Variants in MAD1L1 observed in about 807,000 individuals in gnomAD.
MAD1L1 encodes mitotic spindle assembly checkpoint protein MAD1.
In MAD1L1, 95 loss-of-function variants were observed where a neutral mutation model predicts 96.9. That is an observed-to-expected ratio of 0.98 (90% CI 0.83 to 1.16). The LOEUF (loss-of-function observed/expected upper bound fraction) is 1.16, where lower values mean the gene tolerates loss of function less well. MAD1L1 is among the 50% of genes most tolerant of loss of function. The pLI is 0.00. For missense variants in MAD1L1, 1,007 were observed against 954.4 expected (o/e 1.06, Z -0.73); for synonymous variants, 473 against 396.6 (o/e 1.19, Z -2.29).
At chr7:2,165,375 C>G (rs1167685246) in intron 10 of MAD1L1, among the ~76,000 whole-genome samples, 1 of 152,174 alleles carries the variant, frequency 6.6e-6, no homozygotes, top group Non-Finnish European at 1.5e-5. Flanking sequence ...TTCCACTTGT[C>G]ATGACTCATC....
chr7:2,107,229 T>C (rs553213445), intron 11 of MAD1L1, among the ~76,000 whole-genome samples: 1 of 152,144 alleles, frequency 6.6e-6, no homozygotes, highest in South Asian at 2.1e-4. Flanking sequence ...ACAGTCAGAG[T>C]TGGTGAGGTC....
chr7:2,052,825 G>A (rs1784242131), intron 12 of MAD1L1, among the ~76,000 whole-genome samples: 1 of 152,146 alleles, frequency 6.6e-6, no homozygotes, highest in Non-Finnish European at 1.5e-5. Context: ...GGAACCGGGA[G>A]GGAGCTGGGG....
intron 11 of MAD1L1, among the ~76,000 whole-genome samples, chr7:2,123,676 G>C (rs1055221366): frequency 1.3e-5 from 2 of 152,210 alleles, no homozygotes; most frequent in African/African-American, 4.8e-5. Flanking sequence ...ACCAGGAAGC[G>C]AGTCGGAGGC....
intron 15 of MAD1L1, among the ~76,000 whole-genome samples, chr7:1,972,236 G>A (rs984357461): frequency 1.3e-5 from 2 of 152,144 alleles, no homozygotes; most frequent in East Asian, 1.9e-4. Context: ...ATGCACCCCC[G>A]TGCCTAAACC....
intron 18 of MAD1L1, among the ~76,000 whole-genome samples, chr7:1,857,570 C>T (rs960993947): frequency 3.3e-4 from 50 of 152,198 alleles, no homozygotes; most frequent in African/African-American, 1.2e-3. Flanking sequence ...CTGGGATGAA[C>T]GGGGCTCAGG....
At chr7:2,229,880 C>A in intron 3 of MAD1L1, 104 bp downstream of exon 3, 6 of 1,231,104 alleles carry the variant, frequency 4.9e-6, no homozygotes, top group Non-Finnish European at 6.8e-6. Flanking sequence ...TGTCTCTAGG[C>A]TCTGCTAATA....
intron 17 of MAD1L1, among the ~76,000 whole-genome samples, chr7:1,902,528 G>C (rs1177297749): frequency 1.3e-5 from 2 of 152,226 alleles, no homozygotes; most frequent in African/African-American, 4.8e-5. Context: ...ACACGCAGAT[G>C]AGAGCAAGCA....
rs148664367 is a variant in MAD1L1, at chr7:1,863,500, A to G, written c.1998+34700T>C. ...GGGAGGGTCTGGAACAAGCCCCCGC[A>G]CAGCACGGCCTGGCTGAAGGCCCGG... On this transcript the variant is annotated intron_variant, in intron 18 of 18. Transcript: ENST00000265854. Among the ~76,000 whole-genome samples the G allele has an allele frequency of 1.9e-3, 294 of 152,356 alleles. 1 individual carries two copies. The highest frequency in any genetic ancestry group is 6.6e-3 in the African/African-American group (273 of 41,584).
At chr7:1,871,273 GCTGAACCCATTGTAACACCTGCCACA>G (rs1562476558) in intron 18 of MAD1L1, among the ~76,000 whole-genome samples, 4 of 132,620 alleles carry the variant, frequency 3.0e-5, no homozygotes, top group African/African-American at 2.9e-5. Context: ...AGCCTGCCAC[GCTGAACCCATTGTAACACCTGCCACA>G]CTGAACCCAA....
chr7:2,047,104 G>C (rs1783959323), intron 12 of MAD1L1, among the ~76,000 whole-genome samples: 1 of 152,200 alleles, frequency 6.6e-6, no homozygotes, highest in African/African-American at 2.4e-5. Context: ...CTTCGGCTAA[G>C]GCCCTCCCTT....
At chr7:2,217,591 T>C (rs1190583032) in intron 7 of MAD1L1, among the ~76,000 whole-genome samples, 2 of 152,244 alleles carry the variant, frequency 1.3e-5, no homozygotes, top group Non-Finnish European at 2.9e-5. Flanking sequence ...TGGCACAGCC[T>C]GAGCTTGAGT....
intron 15 of MAD1L1, 150 bp downstream of exon 15, chr7:1,980,303 C>T (rs564073476): frequency 2.2e-5 from 14 of 645,362 alleles, no homozygotes; most frequent in African/African-American, 9.5e-5. Context: ...CCTCTTCCTC[C>T]GTGGGACACA....
chr7:1,828,456 A>G (rs7799807), intron 18 of MAD1L1, among the ~76,000 whole-genome samples: 94,551 of 151,844 alleles, frequency 0.62, 29,563 homozygotes, highest in Middle Eastern at 0.7. Context: ...AGAAAATGGC[A>G]CCCGAAGCTC....
intron 18 of MAD1L1, among the ~76,000 whole-genome samples, chr7:1,826,925 G>A (rs1451949500): frequency 1.3e-5 from 2 of 152,168 alleles, no homozygotes; most frequent in East Asian, 1.9e-4. Context: ...GCAAGGCCAG[G>A]CACCCCAGCA....
At chr7:2,075,671 C>G (rs1373794688) in intron 11 of MAD1L1, among the ~76,000 whole-genome samples, 1 of 152,206 alleles carries the variant, frequency 6.6e-6, no homozygotes, top group Non-Finnish European at 1.5e-5. Flanking sequence ...CTGTGACCAG[C>G]CACTGCCGGC....
intron 18 of MAD1L1, among the ~76,000 whole-genome samples, chr7:1,851,929 G>C (rs954036420): frequency 6.6e-6 from 1 of 152,208 alleles, no homozygotes; most frequent in East Asian, 1.9e-4. Context: ...CAATGGGTGG[G>C]ACCAATGGTG....
At chr7:2,068,973 T>G (rs146983118) in intron 12 of MAD1L1, among the ~76,000 whole-genome samples, 93 of 152,126 alleles carry the variant, frequency 6.1e-4, no homozygotes, top group Non-Finnish European at 1.2e-3. Flanking sequence ...CTGGAGGAAC[T>G]GAAAAGGGTG....
chr7:1,934,331 G>A (rs1335530717), intron 17 of MAD1L1, among the ~76,000 whole-genome samples: 4 of 152,218 alleles, frequency 2.6e-5, no homozygotes, highest in Non-Finnish European at 5.9e-5. Context: ...GACCACCCGC[G>A]TGCCTGAGAC....
chr7:2,003,036 A>AT (rs1781871859), intron 13 of MAD1L1, among the ~76,000 whole-genome samples: 1 of 24,782 alleles, frequency 4.0e-5, no homozygotes, highest in Admixed American at 5.9e-4. Context: ...GCCTTGTGAG[A>AT]CCCCCCCAGG....
Sources: allele counts gnomAD v4.1 joint callset (sites outside exome capture counted in the v4.1 genomes callset), GRCh38; gene constraint gnomAD v4.1.1; transcripts MANE v1.5; gene names NCBI Gene and HGNC (gene_info 2026-07-23, HGNC 2026-07-21).